NOL4L: variants seen among roughly 807,000 people sequenced by gnomAD.
NOL4L encodes nucleolar protein 4 like, also known as nucleolar protein 4-like.
In NOL4L, 7 loss-of-function variants were observed where a neutral mutation model predicts 64.5. That is an observed-to-expected ratio of 0.11 (90% CI 0.06 to 0.20). NOL4L has a LOEUF of 0.20. NOL4L is among the 10% of genes least tolerant of loss of function. The probability of loss-of-function intolerance (pLI) is 1.00; values close to 1 mark genes in which losing one functional copy is unlikely to be tolerated. For missense variants in NOL4L, 680 were observed against 967.1 expected, an observed-to-expected ratio of 0.70 and a Z score of 3.94; for synonymous variants, 413 against 401.0, an observed-to-expected ratio of 1.03 and a Z score of -0.36.
intron 1 of NOL4L, among the ~76,000 whole-genome samples, chr20:32,571,543 G>A (rs758043357): frequency 3.9e-5 from 6 of 152,158 alleles, no homozygotes; most frequent in South Asian, 2.1e-4. Flanking sequence ...AATCATGTGC[G>A]TGTACTGCCA....
At chr20:32,570,290 C>A (rs1251609666) in intron 1 of NOL4L, among the ~76,000 whole-genome samples, 1 of 152,154 alleles carries the variant, frequency 6.6e-6, no homozygotes, top group African/African-American at 2.4e-5. Flanking sequence ...GGCAGGGATC[C>A]CTGGGGTCCC....
At chr20:32,467,326 G>A (rs1179106641) in intron 5 of NOL4L, among the ~76,000 whole-genome samples, 1 of 150,782 alleles carries the variant, frequency 6.6e-6, no homozygotes, top group Non-Finnish European at 1.5e-5. Flanking sequence ...GGGGTCCCTG[G>A]ACAGGGCCTG....
intron 4 of NOL4L, among the ~76,000 whole-genome samples, chr20:32,485,217 A>T (rs932207351): frequency 6.6e-6 from 1 of 152,090 alleles, no homozygotes; most frequent in African/African-American, 2.4e-5. Context: ...AGAAGAGAAA[A>T]CGAGACAGCC....
chr20:32,480,207 A>G (rs2015630785), intron 4 of NOL4L, among the ~76,000 whole-genome samples: 2 of 152,058 alleles, frequency 1.3e-5, no homozygotes, highest in Admixed American at 6.6e-5. Flanking sequence ...CGTGCCTCAC[A>G]CGGTATTTTC....
intron 5 of NOL4L, among the ~76,000 whole-genome samples, chr20:32,462,186 C>A (rs2014134903): frequency 6.6e-6 from 1 of 152,190 alleles, no homozygotes. Context: ...AGATGATCCC[C>A]TGAAATCCAT....
intron 4 of NOL4L, among the ~76,000 whole-genome samples, chr20:32,497,914 C>T (rs900539888): frequency 6.6e-6 from 1 of 152,234 alleles, no homozygotes; most frequent in Admixed American, 6.5e-5. Context: ...CAAAGCGTCC[C>T]GAGGCCAGCC....
At chr20:32,493,271 C>T (rs1175010805) in intron 4 of NOL4L, among the ~76,000 whole-genome samples, 1 of 152,128 alleles carries the variant, frequency 6.6e-6, no homozygotes, top group African/African-American at 2.4e-5. Context: ...GGGCAGGTTA[C>T]CAAGAGAAAG....
At chr20:32,533,111 C>A (rs1302139382) in intron 1 of NOL4L, among the ~76,000 whole-genome samples, 4 of 152,248 alleles carry the variant, frequency 2.6e-5, no homozygotes, top group South Asian at 2.1e-4. Flanking sequence ...CACAGCAAGA[C>A]CCATCTCTAA....
At chr20:32,497,350 G>A (rs1370261287) in intron 4 of NOL4L, among the ~76,000 whole-genome samples, 2 of 151,900 alleles carry the variant, frequency 1.3e-5, no homozygotes, top group Non-Finnish European at 2.9e-5. Context: ...GAGTCAGGGT[G>A]GGTCAAGAAC....
In NOL4L at chr20:32,464,982, G is replaced by C; in HGVS notation, c.842-8587C>G. 1 of 577,196 alleles carries C rather than the reference G, an allele frequency of 1.7e-6. No homozygotes were observed. The highest frequency in any genetic ancestry group is 3.3e-5 in the East Asian group (1 of 30,290). 35.8% of individuals were successfully genotyped at this position (577,196 alleles called of 1,614,324 possible). ...GCCGTCCTTGGCTAATGAATTAGAC[G>C]TCACACACCTAGATCTTCCCCTAAA... On this transcript the variant is annotated intron_variant, in intron 5 of 10. Coordinates refer to ENST00000621426, the MANE Select transcript of NOL4L (RefSeq NM_001256798.2). This position sits in a 1 kb window ranked among gnomAD's most constrained non-coding sequence, Gnocchi z 5.6.
chr20:32,564,917 G>A (rs1979328154), intron 1 of NOL4L: 1 of 152,358 alleles, frequency 6.6e-6, no homozygotes, highest in South Asian at 2.1e-4. Context: ...CAAGGGCTGG[G>A]AGGCTGGGCC....
At chr20:32,550,000 A>C (rs2018778576) in intron 1 of NOL4L, among the ~76,000 whole-genome samples, 2 of 152,254 alleles carry the variant, frequency 1.3e-5, no homozygotes, top group Non-Finnish European at 2.9e-5. Flanking sequence ...CAAAATGTGG[A>C]AACAACACAA....
Position 32,584,598 on chromosome 20 carries a change from A to T in NOL4L, c.293T>A (p.Val98Glu). ...GCCCGTCTTGACCGGCACATACACC[A>T]CTTGGCCCATCTTGGGTTCCCGGCC... ...GSGREPKMGQ[V>E]VYVPVKTGSG... is the part of the protein sequence containing the mutation. The change falls in exon 1 of 11, where the codon GTG becomes GAG. Residue 98 changes from valine (V) to glutamate (E), a missense_variant. Physicochemically the swap from Val to Glu is moderately radical, Grantham distance 121. This residue lies in a region of NOL4L where 181 missense variants were observed against 335.2 expected (regional missense o/e 0.54). Coordinates refer to ENST00000621426, the MANE Select transcript of NOL4L (RefSeq NM_001256798.2). 6.7e-7 allele frequency: 1 copy of T among 1,487,822 alleles called. No homozygotes were observed. Among genetic ancestry groups the T allele is most frequent in the Non-Finnish European group, 9.0e-7 (1 of 1,112,948 alleles). 92.2% of individuals were successfully genotyped at this position (1,487,822 alleles called of 1,614,324 possible).
At chr20:32,457,617 C>T (rs951689060) in intron 5 of NOL4L, among the ~76,000 whole-genome samples, 1 of 152,206 alleles carries the variant, frequency 6.6e-6, no homozygotes, top group Non-Finnish European at 1.5e-5. Context: ...GTCCAGGCTG[C>T]CCATCATGCA....
intron 1 of NOL4L, among the ~76,000 whole-genome samples, chr20:32,566,294 C>T (rs1032305878): frequency 2.0e-5 from 3 of 152,104 alleles, no homozygotes; most frequent in Non-Finnish European, 4.4e-5. Flanking sequence ...TCTGCGAATC[C>T]GTCACTCAGG....
At chr20:32,492,321 G>A (rs765130075) in intron 4 of NOL4L, among the ~76,000 whole-genome samples, 8 of 152,204 alleles carry the variant, frequency 5.3e-5, no homozygotes, top group Non-Finnish European at 8.8e-5. Context: ...GTGAGCAAAC[G>A]AGCACATGCT....
At chr20:32,448,737 C>T (rs6141310) in intron 10 of NOL4L, among the ~76,000 whole-genome samples, 59,793 of 152,058 alleles carry the variant, frequency 0.39, 12,177 homozygotes, top group East Asian at 0.73. Flanking sequence ...TGCCATCTTT[C>T]AAAACACACT....
In NOL4L at chr20:32,453,451, C is replaced by A; in HGVS notation, c.1350G>T (p.Val450=). 6.2e-7 allele frequency: 1 copy of A among 1,614,124 alleles called. No individual in the cohort carries two copies. The highest frequency in any genetic ancestry group is 8.5e-7 in the Non-Finnish European group (1 of 1,180,020). ...TCTCCTTGGGCTGCTTGGAGATGGGCACCATGCGGTCCAGGTTCTCGTCCA... is the reference window on the plus strand; with the variant it reads ...TCTCCTTGGGCTGCTTGGAGATGGGAACCATGCGGTCCAGGTTCTCGTCCA... ...LFVDENLDRM[V]PISKQPKEKI... Residue 450 remains valine, a synonymous_variant, in exon 8 of 11, where the codon GTG becomes GTT. Transcript: ENST00000621426. This position sits in a 1 kb window ranked among gnomAD's most constrained non-coding sequence, Gnocchi z 5.6.
In NOL4L at chr20:32,452,943, C is replaced by T; in HGVS notation, c.1561G>A (p.Glu521Lys). Residue 521 changes from glutamate (E) to lysine (K), a missense_variant, in exon 9 of 11, where the codon GAG (glutamate) becomes AAG (lysine). This residue lies in a region of NOL4L where 175 missense variants were observed against 227.0 expected (regional missense o/e 0.77). Transcript: ENST00000621426. ...MAENILAAAC[E>K]SETRKAAKRM... ...TTGGCTGCCTTTCTTGTCTCGCTCT[C>T]ACAGGCAGCTGCCAGGATGTTTTCT... The T allele has an allele frequency of 6.2e-7, 1 of 1,614,080 alleles. No homozygotes were observed. Among genetic ancestry groups the T allele is most frequent in the Non-Finnish European group, 8.5e-7 (1 of 1,180,034 alleles).
Sources: allele counts gnomAD v4.1 joint callset (sites outside exome capture counted in the v4.1 genomes callset), GRCh38; gene constraint gnomAD v4.1.1; regional missense constraint gnomAD v4.1.1; non-coding constraint Gnocchi (gnomAD v3.1); transcripts MANE v1.5; gene names NCBI Gene and HGNC (gene_info 2026-07-23, HGNC 2026-07-21).